The following DCTN1 variants were observed in gnomAD, a reference collection of about 807,000 sequenced individuals.
DCTN1 encodes the protein 150 kDa dynein-associated polypeptide.
A neutral mutation model predicts 161.2 loss-of-function variants in DCTN1; 61 were observed. That is an observed-to-expected ratio of 0.38 (90% confidence interval 0.31 to 0.47). The LOEUF (loss-of-function observed/expected upper bound fraction) is 0.47, where lower values mean the gene tolerates loss of function less well. Ranked by LOEUF, DCTN1 falls within the 20% of genes least tolerant of loss-of-function variation. DCTN1 has a pLI of 0.99. For synonymous variants in DCTN1, 653 were observed against 632.4 expected (o/e 1.03, Z -0.49); for missense variants, 1,404 against 1,623.7 (o/e 0.86, Z 2.33).
chr2:74,369,836 A>AAG lies in DCTN1; in HGVS notation c.1392+128_1392+129insCT. 1 of 817,354 alleles carries AAG rather than the reference A, an allele frequency of 1.2e-6. No individual in the cohort carries two copies. The allele number at this position is 817,354 out of a possible 1,614,324, so 50.6% of individuals were successfully genotyped here. A position where few individuals can be genotyped will look rare whatever the true frequency, so the allele number is the denominator to read the frequency against. ...TCTCAGAAAAAAAAAAAAAAAAAAAAGGCAGGGTCAGGGTAGCAAGCCCAG... is the reference window on the plus strand; with the variant it reads ...TCTCAGAAAAAAAAAAAAAAAAAAAAAGGGCAGGGTCAGGGTAGCAAGCCCAG... On this transcript the variant is annotated intron_variant, in intron 13 of 31. Coordinates refer to ENST00000628224, the MANE Select transcript of DCTN1 (RefSeq NM_004082.5). The surrounding 1 kb of genome is among the most constrained non-coding windows in gnomAD (Gnocchi z 4.9).
chr2:74,377,699 T>C lies in DCTN1; in HGVS notation c.307A>G (p.Thr103Ala), dbSNP rs1675305695. The C allele has an allele frequency of 5.0e-6, 8 of 1,614,154 alleles. No homozygotes were observed. The highest frequency in any genetic ancestry group is 1.6e-4 in the Middle Eastern group (1 of 6,062). The change falls in exon 3 of 32, where the codon ACT becomes GCT. Residue 103 changes from threonine (T) to alanine (A), a missense_variant. Transcript: ENST00000628224. Reference sequence around the variant, plus strand: ...GAATCAGGTGTCTCTGGGGAAGTAGTATCTGCTCCATCTTCAAATACCTGG... The same window carrying C: ...GAATCAGGTGTCTCTGGGGAAGTAGCATCTGCTCCATCTTCAAATACCTGG... ...QIQVFEDGAD[T>A]TSPETPDSSA...
chr2:74,368,388 A>C (rs1488900295), intron 16 of DCTN1: 6 of 613,888 alleles, frequency 9.8e-6, no homozygotes, highest in Non-Finnish European at 1.7e-5. Context: ...CCTGACTTAA[A>C]GCTGCCACTC....
intron 16 of DCTN1, 147 bp downstream of exon 16, chr2:74,368,581 T>C (rs1420107749): frequency 4.9e-6 from 5 of 1,022,868 alleles, no homozygotes; most frequent in East Asian, 5.2e-5. Context: ...TTGTAATATA[T>C]ATTAATCGGT....
At chr2:74,388,630 C>T (rs1675851329) in intron 1 of DCTN1, among the ~76,000 whole-genome samples, 1 of 152,222 alleles carries the variant, frequency 6.6e-6, no homozygotes, top group African/African-American at 2.4e-5. Context: ...GCTCACAGAG[C>T]ACTTGAGACA....
intron 1 of DCTN1, 141 bp downstream of exon 1, chr2:74,379,864 G>A (rs1024485892): frequency 8.5e-5 from 73 of 861,248 alleles, no homozygotes; most frequent in African/African-American, 1.5e-4. Flanking sequence ...CCAGGGCTTC[G>A]AGGGCTCCTT....
chr2:74,386,728 T>C (rs1304634552), intron 1 of DCTN1: 2 of 152,346 alleles, frequency 1.3e-5, no homozygotes, highest in South Asian at 4.1e-4. Context: ...TAGATATATC[T>C]GCATGCATAT....
intron 5 of DCTN1, chr2:74,374,589 A>C (rs1675110373): frequency 7.7e-7 from 1 of 1,290,804 alleles, no homozygotes; most frequent in Admixed American, 3.0e-5. Context: ...GCAGACGTGC[A>C]GCTGGATCGC....
At chr2:74,364,985 A>G in intron 26 of DCTN1, 90 bp downstream of exon 26, 1 of 1,549,182 alleles carries the variant, frequency 6.5e-7, no homozygotes, top group Non-Finnish European at 8.9e-7. Context: ...CCCGGGGGTA[A>G]GGGGGGTGGG....
chr2:74,365,907 A>C lies in DCTN1; in HGVS notation c.2872T>G (p.Ser958Ala), dbSNP rs753405772. 1.2e-5 allele frequency: 19 copies of C among 1,614,030 alleles called. No homozygotes were observed. Among genetic ancestry groups the C allele is most frequent in the Non-Finnish European group, 1.5e-5 (18 of 1,180,034 alleles). The change falls in exon 24 of 32, where the codon TCA (serine) becomes GCA (alanine). Residue 958 changes from serine to alanine, a missense_variant. By Grantham distance (99) the Ser-to-Ala change is moderately conservative. Coordinates refer to ENST00000628224, the MANE Select transcript of DCTN1 (RefSeq NM_004082.5). Reference protein sequence around the residue: ...RETVIKELKKSLKIKGEELSE... With the variant: ...RETVIKELKKALKIKGEELSE... Reference sequence around the variant, plus strand: ...ACTACCCTCACCTTAATCTTGAGTGACTTCTTCAACTCCTTAATAACTGTC... The same window carrying C: ...ACTACCCTCACCTTAATCTTGAGTGCCTTCTTCAACTCCTTAATAACTGTC...
rs775764471 is a variant in DCTN1 at position 74,362,082 on chromosome 2, A to G, written c.3669T>C (p.Phe1223=). 3 of 1,613,814 alleles carry G rather than the reference A, an allele frequency of 1.9e-6. No homozygotes were observed. The Admixed American group carries it at 5.0e-5, about 27-fold the overall frequency. ...QRPGATVPTD[F]ATFPSSAFLR... is the part of the protein sequence containing the mutation. The stretch of plus-strand genomic sequence containing the variant: ...GGAAGGCTGATGAAGGGAAGGTGGC[A>G]AAGTCAGTGGGTACTGTGGCTCCAG... Residue 1223 remains phenylalanine (F), a synonymous_variant, in exon 31 of 32, where the codon TTT becomes TTC. Transcript: ENST00000628224.
chr2:74,375,465 T>A (rs1328842460), intron 5 of DCTN1, among the ~76,000 whole-genome samples: 1 of 152,056 alleles, frequency 6.6e-6, no homozygotes, highest in African/African-American at 2.4e-5. Flanking sequence ...CTTTCCAACG[T>A]GAGTGCAGAA....
upstream of DCTN1, among the ~76,000 whole-genome samples, chr2:74,382,537 G>A (rs1172934292): frequency 6.7e-6 from 1 of 148,660 alleles, no homozygotes; most frequent in East Asian, 2.0e-4. Flanking sequence ...GGAGGTGAAG[G>A]TTGCAGTGAG....
At position 74,370,971 on chromosome 2, in the gene DCTN1, A is replaced by G. The variant is rs750851107; in HGVS notation, c.843+8T>C. The G allele has an allele frequency of 6.2e-7, 1 of 1,613,722 alleles. No homozygotes were observed. Among genetic ancestry groups the G allele is most frequent in the Non-Finnish European group, 8.5e-7 (1 of 1,180,026 alleles). On this transcript the variant is annotated splice_region_variant and intron_variant, in intron 9 of 31. Coordinates refer to ENST00000628224, the MANE Select transcript of DCTN1 (RefSeq NM_004082.5). This position sits in a 1 kb window ranked among gnomAD's most constrained non-coding sequence, Gnocchi z 4.4. Reference sequence around the variant, plus strand: ...TGCCCCAGCCACCCCCTTCATCCAGAGTCAAACCTTTCTCGCCTCCTTGAG... The same window carrying G: ...TGCCCCAGCCACCCCCTTCATCCAGGGTCAAACCTTTCTCGCCTCCTTGAG...
intron 1 of DCTN1, among the ~76,000 whole-genome samples, chr2:74,385,949 G>A (rs1167436599): frequency 6.6e-6 from 1 of 152,178 alleles, no homozygotes; most frequent in Non-Finnish European, 1.5e-5. Context: ...TTTTCTAGGT[G>A]ATAGGAACAG....
At chr2:74,377,517 G>A (rs939285710) in intron 3 of DCTN1, 51 bp from the exon 4 acceptor site, 2 of 1,563,256 alleles carry the variant, frequency 1.3e-6, no homozygotes, top group Non-Finnish European at 1.8e-6. Context: ...AGAGGTAGGG[G>A]GAGATATAAT....
intron 27 of DCTN1, 86 bp from the exon 28 acceptor site, chr2:74,363,513 C>A: frequency 6.3e-7 from 1 of 1,595,474 alleles, no homozygotes; most frequent in African/African-American, 1.3e-5. Context: ...CTTTCCTCAT[C>A]CCCCCATCAC....
At chr2:74,390,081 T>G (rs1473094082) in intron 1 of DCTN1, among the ~76,000 whole-genome samples, 1 of 152,216 alleles carries the variant, frequency 6.6e-6, no homozygotes, top group African/African-American at 2.4e-5. Context: ...TGTCAACTGC[T>G]TAAGATACTT....
chr2:74,370,962 T>C lies in DCTN1; in HGVS notation c.843+17A>G, dbSNP rs1238651732. 6.2e-7 allele frequency: 1 copy of C among 1,613,518 alleles called. No homozygotes were observed. Among genetic ancestry groups the C allele is most frequent in the Admixed American group, 1.7e-5 (1 of 60,026 alleles). ...GTCTCAGGCTGCCCCAGCCACCCCC[T>C]TCATCCAGAGTCAAACCTTTCTCGC... On this transcript the variant is annotated intron_variant, in intron 9 of 31. Transcript: ENST00000628224. The surrounding 1 kb of genome is among the most constrained non-coding windows in gnomAD (Gnocchi z 4.4).
chr2:74,383,214 C>G (rs1675591977), upstream of DCTN1, among the ~76,000 whole-genome samples: 1 of 152,214 alleles, frequency 6.6e-6, no homozygotes, highest in Admixed American at 6.5e-5. Context: ...GTAAAGAACC[C>G]TAGCTTAGCT....
Sources: allele counts gnomAD v4.1 joint callset (sites outside exome capture counted in the v4.1 genomes callset), GRCh38; gene constraint gnomAD v4.1.1; non-coding constraint Gnocchi (gnomAD v3.1); transcripts MANE v1.5; gene names NCBI Gene and HGNC (gene_info 2026-07-23, HGNC 2026-07-21).